The following CLIP1 variants were observed in gnomAD, a reference collection of about 807,000 sequenced individuals.
The protein encoded by CLIP1 is CAP-Gly domain-containing linker protein 1.
A neutral mutation model predicts 161.6 loss-of-function variants in CLIP1; 66 were observed. That is an observed-to-expected ratio of 0.41 (90% CI 0.33 to 0.50). The LOEUF is 0.50. Ranked by LOEUF, CLIP1 falls within the 20% of genes least tolerant of loss-of-function variation. The pLI is 0.27. For synonymous variants in CLIP1, 598 were observed against 626.2 expected, an observed-to-expected ratio of 0.96 and a Z score of 0.67; for missense variants, 1,376 against 1,702.0, an observed-to-expected ratio of 0.81 and a Z score of 3.37.
chr12:122,357,561 G>T (rs1953494256), intron 5 of CLIP1, among the ~76,000 whole-genome samples: 2 of 70,660 alleles, frequency 2.8e-5, no homozygotes, highest in South Asian at 1.1e-3. Flanking sequence ...GGAGGTGGGG[G>T]GGGTCAGCCC....
chr12:122,299,808 C>G (rs939803069), intron 20 of CLIP1, among the ~76,000 whole-genome samples: 3 of 151,432 alleles, frequency 2.0e-5, no homozygotes, highest in Non-Finnish European at 2.9e-5. Context: ...CCCAGCTACT[C>G]GGGAAGCTGA....
Position 122,333,121 on chromosome 12 carries a change from C to T in CLIP1, c.2733G>A (p.Glu911=), listed in dbSNP as rs1289825757. The T allele has an allele frequency of 6.2e-7, 1 of 1,612,834 alleles. No individual in the cohort carries two copies. Among genetic ancestry groups the T allele is most frequent in the South Asian group, 1.1e-5 (1 of 90,930 alleles). Residue 911 remains glutamate, a synonymous_variant, in exon 15 of 26, where the codon GAG becomes GAA. Transcript: ENST00000620786. ...NLADMEAKFR[E]KDEREEQLIK... is the part of the protein sequence containing the mutation. ...TCAGCTGCTCTTCTCTCTCATCTTT[C>T]TCTCTAAATTTTGCCTCCATATCTA... is the stretch of plus-strand genomic sequence containing the variant.
chr12:122,378,996 G>A (rs577585375), intron 2 of CLIP1, among the ~76,000 whole-genome samples: 10 of 152,136 alleles, frequency 6.6e-5, no homozygotes, highest in South Asian at 2.1e-4. Flanking sequence ...ATGGTGGAGC[G>A]CGCCTGTAGT....
At chr12:122,379,680 C>T (rs1284992369) in intron 2 of CLIP1, among the ~76,000 whole-genome samples, 2 of 151,618 alleles carry the variant, frequency 1.3e-5, no homozygotes, top group Non-Finnish European at 2.9e-5. Context: ...CATGGTGGCT[C>T]ACACCTATAA....
intron 17 of CLIP1, among the ~76,000 whole-genome samples, chr12:122,325,011 AGTGTCTATACCAGT>A (rs1057138674): frequency 6.6e-6 from 1 of 151,496 alleles, no homozygotes; most frequent in Non-Finnish European, 1.5e-5. Context: ...ATTTGACCAC[AGTGTCTATACCAGT>A]GCTATCCAGA....
intron 1 of CLIP1, among the ~76,000 whole-genome samples, chr12:122,401,436 C>T (rs112472477): frequency 9.9e-5 from 15 of 152,018 alleles, no homozygotes; most frequent in African/African-American, 3.6e-4. Context: ...GAGGCCAAGG[C>T]GGGCAGATCA....
intron 20 of CLIP1, among the ~76,000 whole-genome samples, chr12:122,290,418 G>C (rs1956052523): frequency 6.6e-6 from 1 of 152,132 alleles, no homozygotes; most frequent in South Asian, 2.1e-4. Flanking sequence ...AAATGAGAAA[G>C]AGAACATCTG....
intron 1 of CLIP1, among the ~76,000 whole-genome samples, chr12:122,382,075 A>G (rs1955031812): frequency 6.6e-6 from 1 of 152,110 alleles, no homozygotes; most frequent in Admixed American, 6.6e-5. Context: ...AAATACAAAA[A>G]TTATGGCCGG....
chr12:122,313,338 A>AGGCTGGGGTTAGCGTGACAGC (rs1344276773), intron 19 of CLIP1, among the ~76,000 whole-genome samples: 7 of 152,214 alleles, frequency 4.6e-5, no homozygotes, highest in Non-Finnish European at 8.8e-5. Flanking sequence ...AGCTCAGCAC[A>AGGCTGGGGTTAGCGTGACAGC]GGCTGGGGTT....
chr12:122,390,908 T>C (rs1955630254), intron 1 of CLIP1, among the ~76,000 whole-genome samples: 1 of 152,120 alleles, frequency 6.6e-6, no homozygotes, highest in African/African-American at 2.4e-5. Flanking sequence ...GGAGATCTAC[T>C]TCAAAGCCCC....
intron 14 of CLIP1, among the ~76,000 whole-genome samples, chr12:122,333,802 G>T (rs146347525): frequency 6.6e-6 from 1 of 152,306 alleles, no homozygotes; most frequent in African/African-American, 2.4e-5. Context: ...GATAGCAGTG[G>T]GAGTGGTGAG....
chr12:122,398,300 G>T (rs1040190072), intron 1 of CLIP1, among the ~76,000 whole-genome samples: 3 of 151,062 alleles, frequency 2.0e-5, no homozygotes, highest in South Asian at 4.2e-4. Flanking sequence ...GTGGTGGCAG[G>T]CGCCTGTAAT....
intron 20 of CLIP1, among the ~76,000 whole-genome samples, chr12:122,290,086 C>T (rs1956037272): frequency 6.6e-6 from 1 of 152,102 alleles, no homozygotes; most frequent in African/African-American, 2.4e-5. Flanking sequence ...AAAGATAACA[C>T]CAAAGATTAT....
Position 122,334,059 on chromosome 12 carries a change from G to C in CLIP1, c.2678C>G (p.Ser893Cys). The C allele has an allele frequency of 6.2e-7, 1 of 1,613,294 alleles. No individual in the cohort carries two copies. Among genetic ancestry groups the C allele is most frequent in the Non-Finnish European group, 8.5e-7 (1 of 1,179,236 alleles). ...QKEEQFNMLS[S>C]DLEKLRENLA... Reference sequence around the variant, plus strand: ...GTTTTCTCTCAGCTTCTCCAAGTCAGAAGACAGCATGTTAAACTGTTCCTC... The same window carrying C: ...GTTTTCTCTCAGCTTCTCCAAGTCACAAGACAGCATGTTAAACTGTTCCTC... The change falls in exon 14 of 26, where the codon TCT (serine) becomes TGT (cysteine). Residue 893 changes from serine to cysteine, a missense_variant. By Grantham distance (112) the Ser-to-Cys change is moderately radical. Coordinates refer to ENST00000620786, the MANE Select transcript of CLIP1 (RefSeq NM_001247997.2).
chr12:122,400,126 A>G (rs1327380311), intron 1 of CLIP1: 1 of 152,140 alleles, frequency 6.6e-6, no homozygotes, highest in Non-Finnish European at 1.5e-5. Context: ...CACTGAAAAC[A>G]CTTACACAAC....
chr12:122,330,756 C>A lies in CLIP1; in HGVS notation c.2867+2231G>T, dbSNP rs183854401. ...CTGGGAATCCAGGCACCTGCCACCA[C>A]GCTCAGCTCATTTTTTGTATTTTTT... is the stretch of plus-strand genomic sequence containing the variant. On this transcript the variant is annotated intron_variant, in intron 15 of 25. Transcript: ENST00000620786. 3.9e-3 allele frequency among the ~76,000 whole-genome samples: 574 copies of A among 146,776 alleles called. 3 individuals are homozygous for A. The highest frequency in any genetic ancestry group is 0.014 in the African/African-American group (549 of 39,662).
intron 11 of CLIP1, among the ~76,000 whole-genome samples, chr12:122,337,445 C>CA (rs1163606204): frequency 0.025 from 1,766 of 70,790 alleles, 27 homozygotes; most frequent in African/African-American, 0.07. Flanking sequence ...GACTCTGCCT[C>CA]AAAAAAAAAA....
chr12:122,400,770 CAAGT>C (rs911440803), intron 1 of CLIP1: 51 of 152,274 alleles, frequency 3.3e-4, no homozygotes, highest in African/African-American at 1.2e-3. Flanking sequence ...AAAAAGTTCT[CAAGT>C]GAGTCAACAG....
intron 1 of CLIP1, among the ~76,000 whole-genome samples, chr12:122,409,520 A>T (rs1041524650): frequency 6.6e-6 from 1 of 152,078 alleles, no homozygotes; most frequent in Admixed American, 6.6e-5. Context: ...GAAACTAGGA[A>T]TTGGTTTCAT....
Sources: allele counts gnomAD v4.1 joint callset (sites outside exome capture counted in the v4.1 genomes callset), GRCh38; gene constraint gnomAD v4.1.1; transcripts MANE v1.5; gene names NCBI Gene and HGNC (gene_info 2026-07-23, HGNC 2026-07-21).